HIF1A: variants seen among roughly 807,000 people sequenced by gnomAD.
HIF1A encodes hypoxia inducible factor 1 subunit alpha, also known as hypoxia-inducible factor 1-alpha.
Under a neutral mutation model 92.7 loss-of-function variants are expected in HIF1A, and 24 were observed. The ratio of observed to expected loss-of-function variants is 0.26; its 90% CI spans 0.19 to 0.36. The LOEUF (loss-of-function observed/expected upper bound fraction) is 0.36, where lower values mean the gene tolerates loss of function less well. Ranked by LOEUF, HIF1A falls within the 10% of genes least tolerant of loss-of-function variation. The pLI, the probability that HIF1A is intolerant of heterozygous loss-of-function variation, is 1.00. For synonymous variants in HIF1A, 319 were observed against 338.7 expected (o/e 0.94, Z 0.64); for missense variants, 799 against 998.5 (o/e 0.80, Z 2.69).
intron 1 of HIF1A, among the ~76,000 whole-genome samples, chr14:61,700,611 A>G (rs2044166629): frequency 6.6e-6 from 1 of 152,192 alleles, no homozygotes; most frequent in Non-Finnish European, 1.5e-5. Context: ...TGAGTCTGCA[A>G]ATCTCTCTTT....
At chr14:61,719,781 A>G (rs2044404614) in intron 1 of HIF1A, among the ~76,000 whole-genome samples, 1 of 152,162 alleles carries the variant, frequency 6.6e-6, no homozygotes, top group Non-Finnish European at 1.5e-5. Context: ...AGTAATAGAT[A>G]AGGGGCTGCT....
intron 1 of HIF1A, among the ~76,000 whole-genome samples, chr14:61,702,157 G>C (rs1280313899): frequency 6.6e-6 from 1 of 151,654 alleles, no homozygotes; most frequent in Non-Finnish European, 1.5e-5. Flanking sequence ...GCCCGGCACG[G>C]TGGCTCCTGC....
chr14:61,702,942 G>A (rs1217807998), intron 1 of HIF1A, among the ~76,000 whole-genome samples: 1 of 152,168 alleles, frequency 6.6e-6, no homozygotes, highest in African/African-American at 2.4e-5. Flanking sequence ...TAGTGAGGAA[G>A]AGTATCAGAA....
intron 8 of HIF1A, among the ~76,000 whole-genome samples, chr14:61,736,625 G>T (rs1288528302): frequency 6.6e-6 from 1 of 152,130 alleles, no homozygotes; most frequent in African/African-American, 2.4e-5. Flanking sequence ...AATGGTCTCT[G>T]GATGCATCCA....
At chr14:61,726,220 G>A (rs1286750857) in intron 4 of HIF1A, among the ~76,000 whole-genome samples, 2 of 151,646 alleles carry the variant, frequency 1.3e-5, no homozygotes, top group African/African-American at 4.9e-5. Context: ...GATAAATTAA[G>A]GGGAAAAAAA....
chr14:61,700,837 A>G (rs1333895428), intron 1 of HIF1A, among the ~76,000 whole-genome samples: 3 of 152,114 alleles, frequency 2.0e-5, no homozygotes, highest in Non-Finnish European at 4.4e-5. Flanking sequence ...TTTCTTAGCC[A>G]TCTAATGTGG....
At chr14:61,723,114 G>A (rs546690251) in intron 4 of HIF1A, among the ~76,000 whole-genome samples, 49 of 152,264 alleles carry the variant, frequency 3.2e-4, no homozygotes, top group African/African-American at 1.2e-3. Flanking sequence ...TCCAATTTAA[G>A]TGCATACGTT....
Position 61,727,514 on chromosome 14 carries a change from GGTA to G in HIF1A, c.633_635del (p.Tyr212del). 1 of 1,613,700 alleles carries G rather than the reference GGTA, an allele frequency of 6.2e-7. No individual in the cohort carries two copies. The highest frequency in any genetic ancestry group is 8.5e-7 in the Non-Finnish European group (1 of 1,179,848). ...ACCAACAGTAACCAACCTCAGTGTG[GGTA>G]TAAGAAACCACCTATGACCTGCTTG... is the stretch of plus-strand genomic sequence containing the variant. On this transcript the variant is annotated inframe_deletion, in exon 6 of 15. Transcript: ENST00000337138.
chr14:61,711,485 C>T (rs150957029), intron 1 of HIF1A, among the ~76,000 whole-genome samples: 239 of 151,796 alleles, frequency 1.6e-3, no homozygotes, highest in Middle Eastern at 6.8e-3. Context: ...GGGAACTAAT[C>T]TTAAACACTG....
intron 4 of HIF1A, among the ~76,000 whole-genome samples, chr14:61,724,095 T>C (rs2044468051): frequency 6.6e-6 from 1 of 152,054 alleles, no homozygotes. Flanking sequence ...ATTTAGGTTT[T>C]TTTAATGGTT....
chr14:61,745,105 C>A (rs1263412872), intron 13 of HIF1A, among the ~76,000 whole-genome samples: 2 of 152,068 alleles, frequency 1.3e-5, no homozygotes, highest in African/African-American at 4.8e-5. Context: ...CATTCTCTTC[C>A]CTTTAAGTTA....
intron 4 of HIF1A, among the ~76,000 whole-genome samples, chr14:61,722,872 T>A (rs2044450783): frequency 6.6e-6 from 1 of 152,232 alleles, no homozygotes; most frequent in African/African-American, 2.4e-5. Flanking sequence ...AATTAAAAAA[T>A]TAAAGTCTTT....
At chr14:61,709,182 C>CCA in intron 1 of HIF1A, among the ~76,000 whole-genome samples, 1 of 152,182 alleles carries the variant, frequency 6.6e-6, no homozygotes. Context: ...CAGGCGTGAG[C>CCA]CACTGCACCT....
chr14:61,735,085 C>T (rs1045815566), intron 8 of HIF1A, among the ~76,000 whole-genome samples: 1 of 152,180 alleles, frequency 6.6e-6, no homozygotes, highest in Non-Finnish European at 1.5e-5. Flanking sequence ...GTCTACCTGT[C>T]CACATTATTA....
At chr14:61,703,022 C>G (rs1047304920) in intron 1 of HIF1A, among the ~76,000 whole-genome samples, 2 of 152,134 alleles carry the variant, frequency 1.3e-5, no homozygotes, top group Non-Finnish European at 2.9e-5. Context: ...ATATATGGCT[C>G]TTAATACTCT....
chr14:61,737,661 A>G (rs2044653973), intron 9 of HIF1A, among the ~76,000 whole-genome samples: 1 of 152,194 alleles, frequency 6.6e-6, no homozygotes, highest in South Asian at 2.1e-4. Flanking sequence ...ATGAAGGAAA[A>G]TTTGGTGACA....
At chr14:61,704,072 A>C (rs2044208025) in intron 1 of HIF1A, among the ~76,000 whole-genome samples, 1 of 152,200 alleles carries the variant, frequency 6.6e-6, no homozygotes. Context: ...TGGGATGATA[A>C]GAATAATTGC....
chr14:61,707,406 G>T (rs562288967), intron 1 of HIF1A, among the ~76,000 whole-genome samples: 1 of 152,164 alleles, frequency 6.6e-6, no homozygotes, highest in South Asian at 2.1e-4. Context: ...GCTGCACCCA[G>T]TAACTCGTCA....
At chr14:61,718,162 G>A (rs1414847364) in intron 1 of HIF1A, among the ~76,000 whole-genome samples, 1 of 151,654 alleles carries the variant, frequency 6.6e-6, no homozygotes, top group Admixed American at 6.6e-5. Context: ...ATAAAATTCT[G>A]AACACTTTGG....
Sources: gnomAD v4.1 joint callset for allele counts (sites outside exome capture counted in the v4.1 genomes callset) on GRCh38, gnomAD v4.1.1 for gene constraint, MANE v1.5 for transcripts, NCBI Gene and HGNC (gene_info 2026-07-23, HGNC 2026-07-21) for gene names.